Variants in ARL6IP6 observed in about 807,000 individuals in gnomAD.
ARL6IP6 encodes ARF like GTPase 6 interacting protein 6.
Under a neutral mutation model 21.5 loss-of-function variants are expected in ARL6IP6, and 22 were observed. That is an observed-to-expected ratio of 1.02 (90% CI 0.73 to 1.46). ARL6IP6 has a LOEUF of 1.46. ARL6IP6 is among the 40% of genes most tolerant of loss of function. The pLI is 0.00. For missense variants in ARL6IP6, 388 were observed against 299.8 expected, an observed-to-expected ratio of 1.29 and a Z score of -2.17; for synonymous variants, 164 against 125.3, an observed-to-expected ratio of 1.31 and a Z score of -2.06.
intron 2 of ARL6IP6, among the ~76,000 whole-genome samples, chr2:152,730,269 A>G (rs1700246917): frequency 6.6e-6 from 1 of 152,224 alleles, no homozygotes; most frequent in Non-Finnish European, 1.5e-5. Context: ...AAAAAGTTCA[A>G]CAGGCTTTAG....
chr2:152,722,728 C>T (rs549389577), intron 2 of ARL6IP6, among the ~76,000 whole-genome samples: 70 of 152,234 alleles, frequency 4.6e-4, no homozygotes, highest in African/African-American at 1.5e-3. Flanking sequence ...CATGGTGAAA[C>T]CCCGCCTTTA....
At chr2:152,721,483 C>T (rs574489781) in intron 2 of ARL6IP6, among the ~76,000 whole-genome samples, 1 of 152,094 alleles carries the variant, frequency 6.6e-6, no homozygotes, top group Non-Finnish European at 1.5e-5. Flanking sequence ...CTATATTTCT[C>T]TCCACCAAAA....
chr2:152,731,711 G>A (rs1031406535), intron 2 of ARL6IP6, among the ~76,000 whole-genome samples: 1 of 152,032 alleles, frequency 6.6e-6, no homozygotes, highest in Non-Finnish European at 1.5e-5. Flanking sequence ...GACTGAAAAG[G>A]CTTACTCTTT....
intron 3 of ARL6IP6, among the ~76,000 whole-genome samples, chr2:152,758,487 A>ATTT (rs553443939): frequency 5.1e-4 from 78 of 152,242 alleles, no homozygotes; most frequent in Non-Finnish European, 1.0e-3. Flanking sequence ...TATTTGAGGA[A>ATTT]TTTCTTTTTT....
chr2:152,719,112 C>A, intron 1 of ARL6IP6, 88 bp downstream of exon 1: 1 of 1,382,114 alleles, frequency 7.2e-7, no homozygotes, highest in Non-Finnish European at 9.5e-7. Context: ...CTTTCCCTCG[C>A]GCTAAGCCCT....
chr2:152,729,282 T>A (rs1035194139), intron 2 of ARL6IP6, among the ~76,000 whole-genome samples: 3 of 149,854 alleles, frequency 2.0e-5, no homozygotes, highest in Non-Finnish European at 1.5e-5. Flanking sequence ...TGCCAGAGAA[T>A]TGCTTGAACC....
intron 2 of ARL6IP6, among the ~76,000 whole-genome samples, chr2:152,733,790 A>T (rs886785401): frequency 6.6e-6 from 1 of 152,196 alleles, no homozygotes; most frequent in Non-Finnish European, 1.5e-5. Flanking sequence ...CACAATATAT[A>T]GTTATCTTGT....
chr2:152,723,453 A>G (rs1699887317), intron 2 of ARL6IP6, among the ~76,000 whole-genome samples: 1 of 152,174 alleles, frequency 6.6e-6, no homozygotes. Flanking sequence ...ACATGCTATT[A>G]TCTTAATATT....
intron 2 of ARL6IP6, among the ~76,000 whole-genome samples, chr2:152,723,886 AC>A: frequency 6.6e-6 from 1 of 152,318 alleles, no homozygotes; most frequent in African/African-American, 2.4e-5. Context: ...TTTCATCCTT[AC>A]AATGAAAATT....
At chr2:152,727,717 T>C (rs1559226050) in intron 2 of ARL6IP6, among the ~76,000 whole-genome samples, 1 of 151,824 alleles carries the variant, frequency 6.6e-6, no homozygotes, top group East Asian at 1.9e-4. Flanking sequence ...TATAGTAACA[T>C]GCCGCACAGG....
intron 3 of ARL6IP6, among the ~76,000 whole-genome samples, chr2:152,747,511 G>A (rs1334916627): frequency 2.0e-5 from 3 of 151,474 alleles, no homozygotes; most frequent in African/African-American, 4.9e-5. Context: ...AATCTACTAC[G>A]TCACAAGATT....
chr2:152,742,570 TAAAAA>T (rs71396304), intron 3 of ARL6IP6, among the ~76,000 whole-genome samples: 4 of 115,990 alleles, frequency 3.4e-5, no homozygotes, highest in African/African-American at 6.6e-5. Flanking sequence ...ATACGCTCTT[TAAAAA>T]AAAAAAAAAA....
chr2:152,751,694 A>T (rs1383640150), intron 3 of ARL6IP6, among the ~76,000 whole-genome samples: 5 of 152,146 alleles, frequency 3.3e-5, no homozygotes, highest in Admixed American at 3.3e-4. Flanking sequence ...GTTGCCAGGA[A>T]TGACAGTATT....
chr2:152,751,862 C>T (rs1282464108), intron 3 of ARL6IP6, among the ~76,000 whole-genome samples: 1 of 152,164 alleles, frequency 6.6e-6, no homozygotes, highest in Non-Finnish European at 1.5e-5. Context: ...CTTGAATATA[C>T]TGATTGTCCT....
intron 3 of ARL6IP6, among the ~76,000 whole-genome samples, chr2:152,751,000 C>T (rs1701302214): frequency 6.6e-6 from 1 of 152,172 alleles, no homozygotes; most frequent in Non-Finnish European, 1.5e-5. Context: ...AATGGAAGGT[C>T]TTCAAAGTGA....
chr2:152,718,529 G>A, upstream of ARL6IP6: 1 of 1,474,950 alleles, frequency 6.8e-7, no homozygotes, highest in Non-Finnish European at 9.0e-7. Context: ...CTGAGGCCTG[G>A]TGGTAGCGGC....
intron 2 of ARL6IP6, among the ~76,000 whole-genome samples, chr2:152,728,887 C>A (rs1245249516): frequency 6.6e-6 from 1 of 151,852 alleles, no homozygotes; most frequent in Non-Finnish European, 1.5e-5. Context: ...GGTGAAACCT[C>A]GTCTCTACTA....
chr2:152,761,815 A>G lies in ARL6IP6; in HGVS notation c.*1975A>G, dbSNP rs562796185. The stretch of plus-strand genomic sequence containing the variant: ...CTATACCATCTAGGTTTGTGTAAGT[A>G]TACTCTGATGTTCACACAATGATGA... On this transcript the variant is annotated 3_prime_UTR_variant, in exon 4 of 4. Coordinates refer to ENST00000326446, the MANE Select transcript of ARL6IP6 (RefSeq NM_152522.7). 5.3e-4 allele frequency among the ~76,000 whole-genome samples: 81 copies of G among 152,284 alleles called. No homozygotes were observed. The South Asian group carries it at 0.016, about 31-fold the overall frequency.
At chr2:152,717,860 G>C (rs1416886998), upstream of ARL6IP6, 1 of 1,086,954 alleles carries the variant, frequency 9.2e-7, no homozygotes, top group East Asian at 8.3e-5. Flanking sequence ...GGTGGAGGGG[G>C]CGGGGGTAAG....
Sources: gnomAD v4.1 joint callset for allele counts (sites outside exome capture counted in the v4.1 genomes callset) on GRCh38, gnomAD v4.1.1 for gene constraint, MANE v1.5 for transcripts, NCBI Gene and HGNC (gene_info 2026-07-23, HGNC 2026-07-21) for gene names.